ABI3BP: variants seen among roughly 807,000 people sequenced by gnomAD.
ABI3BP encodes the protein ABI family member 3 binding protein.
A neutral mutation model predicts 268.6 loss-of-function variants in ABI3BP; 216 were observed. The observed-to-expected ratio is 0.80, with a 90% confidence interval of 0.72 to 0.90. The LOEUF is 0.90. Ranked by LOEUF, ABI3BP falls within the 40% of genes least tolerant of loss-of-function variation. The probability of loss-of-function intolerance (pLI) is 0.00; values close to 1 mark genes in which losing one functional copy is unlikely to be tolerated. For missense variants in ABI3BP, 2,090 were observed against 2,182.4 expected (o/e 0.96, Z 0.84); for synonymous variants, 730 against 730.0 (o/e 1.00, Z 0.00).
intron 51 of ABI3BP, among the ~76,000 whole-genome samples, chr3:100,799,626 T>A (rs1272763963): frequency 6.6e-6 from 1 of 152,114 alleles, no homozygotes; most frequent in Admixed American, 6.6e-5. Flanking sequence ...CCTTCTCTTC[T>A]TAGGCCTTTT....
At chr3:100,906,809 G>A (rs905601983) in intron 2 of ABI3BP, among the ~76,000 whole-genome samples, 3 of 152,146 alleles carry the variant, frequency 2.0e-5, no homozygotes, top group Non-Finnish European at 4.4e-5. Flanking sequence ...TATAATTGCA[G>A]TTTGATAAAT....
chr3:100,807,315 T>C (rs1030178425), intron 50 of ABI3BP, among the ~76,000 whole-genome samples: 1 of 151,966 alleles, frequency 6.6e-6, no homozygotes, highest in Non-Finnish European at 1.5e-5. Flanking sequence ...TTTCTCAGAC[T>C]TTTAGTATGT....
At chr3:100,847,963 C>T (rs1219213191) in intron 18 of ABI3BP, among the ~76,000 whole-genome samples, 1 of 152,108 alleles carries the variant, frequency 6.6e-6, no homozygotes, top group Non-Finnish European at 1.5e-5. Context: ...TCTGTACCAC[C>T]CAAACTCTGT....
rs1286113255 is a variant in ABI3BP at position 100,864,872 on chromosome 3, T to C, written c.1024A>G (p.Thr342Ala). ...GAAACATCTAATGCACTAGACGTAG[T>C]GGGTTTAGTGCTTCTTGGAACTGTT... Reference protein sequence around the residue: ...PETVPRSTKPTTSSALDVSET... With the variant: ...PETVPRSTKPATSSALDVSET... The change falls in exon 11 of 68, where the codon ACT becomes GCT. Residue 342 changes from threonine to alanine, a missense_variant. Thr to Ala is a moderately conservative substitution (Grantham distance 58). Coordinates refer to ENST00000471714, the MANE Select transcript of ABI3BP (RefSeq NM_001375547.2). The C allele has an allele frequency of 3.7e-6, 6 of 1,608,768 alleles. No homozygotes were observed. Among genetic ancestry groups the C allele is most frequent in the Non-Finnish European group, 5.1e-6 (6 of 1,178,362 alleles).
intron 16 of ABI3BP, 88 bp downstream of exon 16, chr3:100,850,572 A>C: frequency 1.1e-6 from 1 of 945,362 alleles, no homozygotes; most frequent in Non-Finnish European, 1.7e-6. Context: ...GATGTGATGG[A>C]ATGAAATGGT....
chr3:100,780,574 A>C, intron 57 of ABI3BP, among the ~76,000 whole-genome samples: 1 of 151,988 alleles, frequency 6.6e-6, no homozygotes, highest in Admixed American at 6.6e-5. Context: ...ATTCAAAAAA[A>C]ATTTTTTTCT....
In ABI3BP at chr3:100,749,722, T is replaced by C. The variant is rs1359998139; in HGVS notation, c.*773A>G. ...GTCTCTACATACAGCTTGATTAGAA[T>C]CATAAAAACAATATGAAGACGATTG... On this transcript the variant is annotated 3_prime_UTR_variant, in exon 68 of 68. Transcript: ENST00000471714. The C allele has an allele frequency of 5.0e-6, 2 of 398,380 alleles. No homozygotes were observed. Among genetic ancestry groups the C allele is most frequent in the African/African-American group, 2.1e-5 (1 of 48,596 alleles). The allele number at this position is 398,380 out of a possible 1,614,324, so 24.7% of individuals were successfully genotyped here. A position where few individuals can be genotyped will look rare whatever the true frequency, so the allele number is the denominator to read the frequency against.
intron 4 of ABI3BP, among the ~76,000 whole-genome samples, chr3:100,889,162 G>A (rs2043313453): frequency 6.6e-6 from 1 of 152,006 alleles, no homozygotes; most frequent in Non-Finnish European, 1.5e-5. Context: ...ATAAATTTCT[G>A]CATTATACAT....
At chr3:100,822,702 T>A (rs768950988) in intron 37 of ABI3BP, 30 bp from the exon 38 acceptor site, 1 of 1,513,412 alleles carries the variant, frequency 6.6e-7, no homozygotes, top group Admixed American at 2.0e-5. Flanking sequence ...GGTTACAACA[T>A]AACTGCATTA....
intron 34 of ABI3BP, among the ~76,000 whole-genome samples, chr3:100,826,067 G>A (rs572036568): frequency 6.6e-6 from 1 of 152,236 alleles, no homozygotes; most frequent in East Asian, 1.9e-4. Flanking sequence ...AGATAATTAA[G>A]GTTAAATGAG....
intron 6 of ABI3BP, among the ~76,000 whole-genome samples, chr3:100,879,815 A>G (rs1216486965): frequency 6.6e-6 from 1 of 152,194 alleles, no homozygotes; most frequent in Non-Finnish European, 1.5e-5. Flanking sequence ...GACTCTACTA[A>G]TGAGCAAATA....
intron 5 of ABI3BP, among the ~76,000 whole-genome samples, chr3:100,885,890 C>G (rs1205928306): frequency 6.6e-6 from 1 of 151,900 alleles, no homozygotes; most frequent in Non-Finnish European, 1.5e-5. Context: ...TGATTTTAAA[C>G]TGCTGTAATA....
At chr3:100,974,220 CTT>C (rs2085009144) in intron 1 of ABI3BP, among the ~76,000 whole-genome samples, 1 of 152,004 alleles carries the variant, frequency 6.6e-6, no homozygotes, top group Non-Finnish European at 1.5e-5. Context: ...TAAACAAACA[CTT>C]AATATATGAC....
At chr3:100,863,096 A>G in intron 12 of ABI3BP, 187 bp from the exon 13 acceptor site, 1 of 561,286 alleles carries the variant, frequency 1.8e-6, no homozygotes, top group Non-Finnish European at 3.1e-6. Context: ...TCAGTTTTTT[A>G]TAGTTAAGTG....
intron 2 of ABI3BP, among the ~76,000 whole-genome samples, chr3:100,924,131 A>G (rs1250249764): frequency 2.0e-5 from 3 of 152,178 alleles, no homozygotes; most frequent in Non-Finnish European, 4.4e-5. Flanking sequence ...AACCAGTTCC[A>G]TATTCTATAA....
chr3:100,771,719 G>C (rs947818174), intron 61 of ABI3BP, among the ~76,000 whole-genome samples: 26 of 152,058 alleles, frequency 1.7e-4, no homozygotes, highest in Non-Finnish European at 1.5e-5. Context: ...CAAAAAGAGG[G>C]AGAGAAGATA....
At chr3:100,773,962 T>C (rs545369154) in intron 61 of ABI3BP, among the ~76,000 whole-genome samples, 2 of 152,300 alleles carry the variant, frequency 1.3e-5, no homozygotes, top group African/African-American at 4.8e-5. Context: ...AGAAAGGGAT[T>C]GCAAAGACAC....
At chr3:100,866,838 T>A (rs746258614) in intron 10 of ABI3BP, 41 bp downstream of exon 10, 2 of 1,559,382 alleles carry the variant, frequency 1.3e-6, no homozygotes, top group South Asian at 2.3e-5. Flanking sequence ...AAAAAAGCAT[T>A]TTTTCTTTTC....
At chr3:100,831,126 C>A (rs554407404) in intron 31 of ABI3BP, among the ~76,000 whole-genome samples, 1 of 152,148 alleles carries the variant, frequency 6.6e-6, no homozygotes, top group Non-Finnish European at 1.5e-5. Flanking sequence ...GGTGTTAACA[C>A]CTTTGAGTCA....
Sources: allele counts gnomAD v4.1 joint callset (sites outside exome capture counted in the v4.1 genomes callset), GRCh38; gene constraint gnomAD v4.1.1; transcripts MANE v1.5; gene names NCBI Gene and HGNC (gene_info 2026-07-23, HGNC 2026-07-21).